The following TDRD9 variants were observed in gnomAD, a reference collection of about 807,000 sequenced individuals.
TDRD9 encodes the protein ATP-dependent RNA helicase TDRD9.
In TDRD9, 124 loss-of-function variants were observed where a neutral mutation model predicts 172.6. That is an observed-to-expected ratio of 0.72 (90% CI 0.62 to 0.83). TDRD9 has a LOEUF of 0.83. Ranked by LOEUF, TDRD9 falls within the 40% of genes least tolerant of loss-of-function variation. TDRD9 has a pLI of 0.00. For missense variants in TDRD9, 1,479 were observed against 1,714.1 expected, an observed-to-expected ratio of 0.86 and a Z score of 2.42; for synonymous variants, 619 against 617.1, an observed-to-expected ratio of 1.00 and a Z score of -0.05.
intron 1 of TDRD9, among the ~76,000 whole-genome samples, chr14:103,945,968 G>GTTT (rs71681370): frequency 4.0e-4 from 59 of 147,806 alleles, no homozygotes; most frequent in African/African-American, 1.3e-3. Flanking sequence ...ATATCTTTCT[G>GTTT]TTTTTTTTTT....
chr14:104,009,654 AAAAAAAATTT>A (rs1266691203), intron 20 of TDRD9, among the ~76,000 whole-genome samples: 1 of 151,576 alleles, frequency 6.6e-6, no homozygotes, highest in East Asian at 1.9e-4. Flanking sequence ...CTTTTTAATT[AAAAAAAATTT>A]TTGGCTCATA....
At chr14:104,034,100 C>T in intron 31 of TDRD9, 31 bp downstream of exon 31, 1 of 1,408,512 alleles carries the variant, frequency 7.1e-7, no homozygotes, top group Non-Finnish European at 9.8e-7. Context: ...ATTCCTTGTC[C>T]TCTCTTTTTT....
At position 104,049,329 on chromosome 14, in the gene TDRD9, A is replaced by C. The variant is rs551943253; in HGVS notation, c.3975-279A>C. 3 of 195,578 alleles carry C rather than the reference A, an allele frequency of 1.5e-5. No individual in the cohort carries two copies. The South Asian group carries it at 4.3e-4, about 28-fold the overall frequency. The allele number at this position is 195,578 out of a possible 1,614,324, so 12.1% of individuals were successfully genotyped here. ...AAAATGTCCTGTTACATTTCAGAGAACTTGACTCATTCATGTGGTGTGCAG... is the reference window on the plus strand; with the variant it reads ...AAAATGTCCTGTTACATTTCAGAGACCTTGACTCATTCATGTGGTGTGCAG... On this transcript the variant is annotated intron_variant, in intron 34 of 35. Transcript: ENST00000409874.
intron 33 of TDRD9, among the ~76,000 whole-genome samples, chr14:104,040,847 G>A (rs550740470): frequency 9.1e-4 from 138 of 152,378 alleles, no homozygotes; most frequent in Non-Finnish European, 1.4e-3. Flanking sequence ...GGCAGACAGG[G>A]AAACTGTGTA....
intron 8 of TDRD9, among the ~76,000 whole-genome samples, chr14:103,987,160 A>C (rs2033701027): frequency 6.9e-6 from 1 of 143,948 alleles, no homozygotes; most frequent in South Asian, 2.3e-4. Flanking sequence ...ACACACACAC[A>C]CACCATATGA....
chr14:104,033,265 A>T (rs1314012530), intron 30 of TDRD9, among the ~76,000 whole-genome samples: 2 of 152,160 alleles, frequency 1.3e-5, no homozygotes, highest in African/African-American at 4.8e-5. Flanking sequence ...CTGCATTTTC[A>T]CAAGGCCTCT....
chr14:104,018,890 G>T (rs1471084799), intron 23 of TDRD9, among the ~76,000 whole-genome samples: 1 of 152,112 alleles, frequency 6.6e-6, no homozygotes, highest in Non-Finnish European at 1.5e-5. Context: ...TGAACATTAA[G>T]TCCATTTTCA....
intron 9 of TDRD9, among the ~76,000 whole-genome samples, chr14:103,993,546 G>A (rs949652033): frequency 2.6e-5 from 4 of 152,148 alleles, no homozygotes; most frequent in South Asian, 2.1e-4. Flanking sequence ...GTTCAAAATC[G>A]AGTTGTCAGC....
At chr14:103,959,455 C>CGTGTGTGTGTGT (rs151216232) in intron 2 of TDRD9, among the ~76,000 whole-genome samples, 2,590 of 144,008 alleles carry the variant, frequency 0.018, 40 homozygotes, top group East Asian at 0.044. Context: ...GTCAGGTTAT[C>CGTGTGTGTGTGT]GTGTGTGTGT....
At chr14:104,023,705 C>G (rs1474109818) in intron 24 of TDRD9, among the ~76,000 whole-genome samples, 1 of 152,234 alleles carries the variant, frequency 6.6e-6, no homozygotes, top group Non-Finnish European at 1.5e-5. Flanking sequence ...GTAGAGTTTT[C>G]AGTTCTGGGA....
At chr14:103,982,974 G>A (rs148861997) in intron 7 of TDRD9, among the ~76,000 whole-genome samples, 65 of 151,150 alleles carry the variant, frequency 4.3e-4, no homozygotes, top group African/African-American at 1.4e-3. Context: ...AATGTGTACT[G>A]TAATGAAATT....
chr14:103,959,644 AC>A (rs2032415392), intron 2 of TDRD9, among the ~76,000 whole-genome samples: 1 of 152,206 alleles, frequency 6.6e-6, no homozygotes, highest in Non-Finnish European at 1.5e-5. Flanking sequence ...GATTCAAAAC[AC>A]TTTTGATTTT....
intron 1 of TDRD9, among the ~76,000 whole-genome samples, chr14:103,945,044 C>G (rs1474738668): frequency 6.6e-6 from 1 of 152,140 alleles, no homozygotes; most frequent in Non-Finnish European, 1.5e-5. Context: ...AGCCAGCCTC[C>G]AAATGTGAAG....
chr14:104,031,891 A>G, intron 29 of TDRD9, 126 bp from the exon 30 acceptor site: 3 of 629,012 alleles, frequency 4.8e-6, no homozygotes, highest in African/African-American at 1.9e-5. Context: ...ACTGAATCAT[A>G]AAGACATTAT....
chr14:103,928,826 C>G (rs1009466372), intron 1 of TDRD9, 102 bp downstream of exon 1: 1 of 324,998 alleles, frequency 3.1e-6, no homozygotes, highest in Non-Finnish European at 5.2e-6. Context: ...CGTGCCCTCT[C>G]GCGGGGCTCC....
intron 34 of TDRD9, among the ~76,000 whole-genome samples, chr14:104,047,485 C>G (rs1378168201): frequency 6.6e-6 from 1 of 152,174 alleles, no homozygotes; most frequent in Non-Finnish European, 1.5e-5. Flanking sequence ...GCTACCCCAG[C>G]TCTCTTTAGC....
chr14:104,022,729 A>AAAATAAAT (rs139166055), intron 24 of TDRD9, among the ~76,000 whole-genome samples: 12,165 of 145,856 alleles, frequency 0.083, 867 homozygotes, highest in African/African-American at 0.19. Flanking sequence ...GCTGTCTTAA[A>AAAATAAAT]AAATAAATAA....
intron 8 of TDRD9, among the ~76,000 whole-genome samples, chr14:103,989,483 G>A (rs1049697882): frequency 6.6e-6 from 1 of 152,238 alleles, no homozygotes; most frequent in Non-Finnish European, 1.5e-5. Flanking sequence ...AGGAAATAAT[G>A]GAAGCGAGAA....
rs1032685983 is a variant in TDRD9 at position 103,999,766 on chromosome 14, T to C, written c.1483+1038T>C. Among the ~76,000 whole-genome samples the C allele has an allele frequency of 2.0e-4, 26 of 132,700 alleles. 2 individuals are homozygous for C. The highest frequency in any genetic ancestry group is 7.5e-4 in the African/African-American group (26 of 34,882). 87.1% of individuals were successfully genotyped at this position (132,700 alleles called of 152,430 possible). ...ACCATATGCCAGACATTCTTCTAAG[T>C]ATTTATTAACTCATTTAATCTTCCT... is the stretch of plus-strand genomic sequence containing the variant. On this transcript the variant is annotated intron_variant, in intron 13 of 35. Coordinates refer to ENST00000409874, the MANE Select transcript of TDRD9 (RefSeq NM_153046.3).
Sources: gnomAD v4.1 joint callset for allele counts (sites outside exome capture counted in the v4.1 genomes callset) on GRCh38, gnomAD v4.1.1 for gene constraint, MANE v1.5 for transcripts, NCBI Gene and HGNC (gene_info 2026-07-23, HGNC 2026-07-21) for gene names.